The following KDR variants were observed in gnomAD, a reference collection of about 807,000 sequenced individuals.
The protein encoded by KDR is kinase insert domain receptor.
Under a neutral mutation model 160.9 loss-of-function variants are expected in KDR, and 43 were observed. The observed-to-expected ratio is 0.27, with a 90% CI of 0.21 to 0.34. KDR has a LOEUF of 0.34. Ranked by LOEUF, KDR falls within the 10% of genes least tolerant of loss-of-function variation. The probability of loss-of-function intolerance (pLI) is 1.00; values close to 1 mark genes in which losing one functional copy is unlikely to be tolerated. For synonymous variants in KDR, 617 were observed against 600.1 expected (o/e 1.03, Z -0.41); for missense variants, 1,469 against 1,666.4 (o/e 0.88, Z 2.06).
rs758307396 is a variant in KDR at position 55,110,775 on chromosome 4, G to GAAA, written c.977-10_977-8dup. ...AAAGCAACAAAAGGTTTTTCTGGAAGAAAATAAAAAAAAAAAAAGGTCAAC... is the reference window on the plus strand; with the variant it reads ...AAAGCAACAAAAGGTTTTTCTGGAAGAAAAAAATAAAAAAAAAAAAAGGTCAAC... On this transcript the variant is annotated splice_polypyrimidine_tract_variant and splice_region_variant and intron_variant, in intron 7 of 29. Transcript: ENST00000263923. The GAAA allele has an allele frequency of 2.2e-6, 3 of 1,386,914 alleles. No homozygotes were observed. The highest frequency in any genetic ancestry group is 2.6e-5 in the Admixed American group (1 of 37,836). The allele number at this position is 1,386,914 out of a possible 1,614,324, so 85.9% of individuals were successfully genotyped here. A position where few individuals can be genotyped will look rare whatever the true frequency, so the allele number is the denominator to read the frequency against.
At chr4:55,119,558 G>T (rs1459785721) in intron 2 of KDR, among the ~76,000 whole-genome samples, 8 of 152,174 alleles carry the variant, frequency 5.3e-5, no homozygotes, top group Non-Finnish European at 1.2e-4. Context: ...TTTTGCAGGA[G>T]GTGGTCTTGA....
chr4:55,097,650 T>G lies in KDR; in HGVS notation c.2614+12A>C. The G allele has an allele frequency of 6.5e-7, 1 of 1,531,516 alleles. No individual in the cohort carries two copies. The highest frequency in any genetic ancestry group is 1.7e-5 in the Admixed American group (1 of 59,856). The allele number at this position is 1,531,516 out of a possible 1,614,324, so 94.9% of individuals were successfully genotyped here. A position where few individuals can be genotyped will look rare whatever the true frequency, so the allele number is the denominator to read the frequency against. ...AACAGAAAGATAGATCACCACATAA[T>G]TTTGCTTTTACCTTTCAACATTTTG... On this transcript the variant is annotated intron_variant, in intron 18 of 29. Coordinates refer to ENST00000263923, the MANE Select transcript of KDR (RefSeq NM_002253.4).
intron 21 of KDR, 67 bp from the exon 22 acceptor site, chr4:55,092,781 C>T (rs1312445195): frequency 1.1e-5 from 12 of 1,123,608 alleles, no homozygotes; most frequent in Non-Finnish European, 1.6e-5. Flanking sequence ...TCTAAGTTTG[C>T]TAGAGTAATA....
rs1719693356 is a variant in KDR at position 55,080,109 on chromosome 4, C to G, written c.3903G>C (p.Gln1301His). The change falls in exon 30 of 30, where the codon CAG becomes CAC. Residue 1301 changes from glutamine to histidine, a missense_variant. Coordinates refer to ENST00000263923, the MANE Select transcript of KDR (RefSeq NM_002253.4). The stretch of plus-strand genomic sequence containing the variant: ...GATATCCGGACTGGTAGCCGCTTGT[C>G]TGGTTTGAGCCTTCAGATGCCACAG... ...RESVASEGSN[Q>H]TSGYQSGYHS... is the part of the protein sequence containing the mutation. The G allele has an allele frequency of 1.2e-6, 2 of 1,613,880 alleles. No individual in the cohort carries two copies. Among genetic ancestry groups the G allele is most frequent in the South Asian group, 2.2e-5 (2 of 91,060 alleles).
At chr4:55,089,570 A>AT (rs3217703) in intron 24 of KDR, 97 bp from the exon 25 acceptor site, 375,799 of 1,197,964 alleles carry the variant, frequency 0.31, 44,332 homozygotes, top group Admixed American at 0.47. Context: ...CTATGTATCT[A>AT]TTTTTTTTTT....
intron 29 of KDR, 108 bp from the exon 30 acceptor site, chr4:55,080,271 C>G: frequency 6.6e-6 from 6 of 909,232 alleles, no homozygotes; most frequent in South Asian, 1.4e-5. Flanking sequence ...CCCTGGAGAC[C>G]GCAGCCCCGT....
chr4:55,098,078 A>G, intron 17 of KDR, 59 bp downstream of exon 17: 1 of 1,592,444 alleles, frequency 6.3e-7, no homozygotes, highest in East Asian at 2.2e-5. Context: ...CATCATTCTA[A>G]TGGAGGAAGA....
chr4:55,115,296 G>A lies in KDR; in HGVS notation c.474C>T (p.Asn158=), dbSNP rs137944919. ...IPCLGSISNL[N]VSLCARYPEK... Reference sequence around the variant, plus strand: ...TGCAACTTACTGCACAAAGTGACACGTTGAGATTTGAAATGGACCCGAGAC... The same window carrying A: ...TGCAACTTACTGCACAAAGTGACACATTGAGATTTGAAATGGACCCGAGAC... Residue 158 remains asparagine, a synonymous_variant, in exon 4 of 30, where the codon AAC becomes AAT. Coordinates refer to ENST00000263923, the MANE Select transcript of KDR (RefSeq NM_002253.4). 1.0e-5 allele frequency: 16 copies of A among 1,595,350 alleles called. No homozygotes were observed. The highest frequency in any genetic ancestry group is 1.7e-4 in the Middle Eastern group (1 of 5,958).
chr4:55,110,635 A>G lies in KDR; in HGVS notation c.1091+19T>C. 6.2e-7 allele frequency: 1 copy of G among 1,610,750 alleles called. No homozygotes were observed. The highest frequency in any genetic ancestry group is 8.5e-7 in the Non-Finnish European group (1 of 1,177,016). On this transcript the variant is annotated intron_variant, in intron 8 of 29. Transcript: ENST00000263923. ...GCTCTCACACGAAATGATGCTTTGC[A>G]TTTATTTCCAGTAGTTACCATTTTA...
At chr4:55,098,344 T>C in intron 16 of KDR, 72 bp from the exon 17 acceptor site, 7 of 1,552,028 alleles carry the variant, frequency 4.5e-6, no homozygotes, top group Non-Finnish European at 5.3e-6. Flanking sequence ...TTGTTATTGC[T>C]GTTTATTGGA....
At chr4:55,080,352 T>A (rs1719701713) in intron 29 of KDR, among the ~76,000 whole-genome samples, 189 bp from the exon 30 acceptor site, 1 of 152,176 alleles carries the variant, frequency 6.6e-6, no homozygotes, top group Non-Finnish European at 1.5e-5. Flanking sequence ...CTCGCATGAA[T>A]TAGTAGTTGC....
At chr4:55,105,763 A>G (rs925866708) in intron 12 of KDR, 69 bp downstream of exon 12, 2 of 950,366 alleles carry the variant, frequency 2.1e-6, no homozygotes, top group Non-Finnish European at 3.5e-6. Context: ...CAAAAACAAC[A>G]GGGAATTACA....
chr4:55,105,428 G>A (rs1042042739), intron 12 of KDR, among the ~76,000 whole-genome samples: 6 of 152,114 alleles, frequency 3.9e-5, no homozygotes, highest in African/African-American at 9.7e-5. Context: ...AGGCAAAATC[G>A]GCAGCATTGG....
At chr4:55,087,240 T>G (rs112926906) in intron 27 of KDR, among the ~76,000 whole-genome samples, 1,624 of 152,312 alleles carry the variant, frequency 0.011, 36 homozygotes, top group African/African-American at 0.037. Flanking sequence ...TTTCTGAATC[T>G]CTCCTAAGCC....
chr4:55,123,466 A>T (rs923617859), intron 1 of KDR, among the ~76,000 whole-genome samples: 8 of 152,254 alleles, frequency 5.3e-5, no homozygotes, highest in Non-Finnish European at 8.8e-5. Context: ...CAAATATTTT[A>T]AAAAAGAAAA....
In KDR at chr4:55,079,690, T is replaced by C; in HGVS notation, c.*251A>G. The stretch of plus-strand genomic sequence containing the variant: ...GTGAGACCCGCAGCAGGGGGCATGA[T>C]AAATGCTTTTTAAATGAATGAAAAA... On this transcript the variant is annotated 3_prime_UTR_variant, in exon 30 of 30. Transcript: ENST00000263923. The C allele has an allele frequency of 1.8e-6, 1 of 556,452 alleles. No homozygotes were observed. Among genetic ancestry groups the C allele is most frequent in the South Asian group, 2.0e-5 (1 of 48,986 alleles). 34.5% of individuals were successfully genotyped at this position (556,452 alleles called of 1,614,324 possible). A position where few individuals can be genotyped will look rare whatever the true frequency, so the allele number is the denominator to read the frequency against.
chr4:55,080,736 G>T (rs1719711712), intron 29 of KDR, among the ~76,000 whole-genome samples: 1 of 152,162 alleles, frequency 6.6e-6, no homozygotes, highest in African/African-American at 2.4e-5. Context: ...GAGAACCCCT[G>T]TCACTCAGCA....
rs1401068531 is a variant in KDR at position 55,091,519 on chromosome 4, A to G, written c.3069+1098T>C. ...ATGGTAATAATAAGTCATAATCTCC[A>G]AGAAGTGTAAAGGGCCTTTCTCTTT... On this transcript the variant is annotated intron_variant, in intron 22 of 29. Transcript: ENST00000263923. Among the ~76,000 whole-genome samples, 8 of 152,272 alleles carry G rather than the reference A, an allele frequency of 5.3e-5. No homozygotes were observed. In the East Asian group the frequency reaches 1.5e-3, roughly 29 times the overall value.
At chr4:55,080,471 C>T (rs759466427) in intron 29 of KDR, among the ~76,000 whole-genome samples, 2 of 152,150 alleles carry the variant, frequency 1.3e-5, no homozygotes, top group Non-Finnish European at 2.9e-5. Context: ...TTTATGGCCT[C>T]GCAGATTGAC....
Sources: allele counts gnomAD v4.1 joint callset (sites outside exome capture counted in the v4.1 genomes callset), GRCh38; gene constraint gnomAD v4.1.1; transcripts MANE v1.5; gene names NCBI Gene and HGNC (gene_info 2026-07-23, HGNC 2026-07-21).